RIC1: variants seen among roughly 807,000 people sequenced by gnomAD.
The protein encoded by RIC1 is RIC1 partner of RAB6A GEF complex.
Under a neutral mutation model 169.0 loss-of-function variants are expected in RIC1, and 88 were observed. The observed-to-expected ratio is 0.52, with a 90% confidence interval of 0.44 to 0.62. RIC1 has a LOEUF of 0.62. Ranked by LOEUF, RIC1 falls within the 20% of genes least tolerant of loss-of-function variation. RIC1 has a pLI of 0.00. For missense variants in RIC1, 1,877 were observed against 1,725.5 expected (o/e 1.09, Z -1.56); for synonymous variants, 790 against 601.5 (o/e 1.31, Z -4.59).
At chr9:5,634,702 A>T (rs889395432) in intron 1 of RIC1, among the ~76,000 whole-genome samples, 1 of 151,952 alleles carries the variant, frequency 6.6e-6, no homozygotes, top group East Asian at 1.9e-4. Flanking sequence ...TCTTTACTGT[A>T]CAATAACTTA....
chr9:5,762,130 G>T (rs765536496), intron 17 of RIC1, among the ~76,000 whole-genome samples: 1 of 152,002 alleles, frequency 6.6e-6, no homozygotes, highest in African/African-American at 2.4e-5. Context: ...CCATGTCTTC[G>T]TTTTCCATTA....
chr9:5,772,440 G>A, intron 23 of RIC1, 124 bp from the exon 24 acceptor site: 1 of 719,514 alleles, frequency 1.4e-6, no homozygotes, highest in Non-Finnish European at 2.2e-6. Flanking sequence ...TTTAGCCATG[G>A]ATTTCATGTT....
rs1016734360 is a variant in RIC1, at chr9:5,629,217, C to G, written c.-93C>G. ...GAGCTGCCGCCGCCGCCGCCGCCGA[C>G]TCGGCCGGTGGCGGTGTGGGAGGTG... On this transcript the variant is annotated 5_prime_UTR_variant, in exon 1 of 26. Coordinates refer to ENST00000414202, the MANE Select transcript of RIC1 (RefSeq NM_020829.4). 7.3e-6 allele frequency: 9 copies of G among 1,233,914 alleles called. No homozygotes were observed. The highest frequency in any genetic ancestry group is 9.2e-6 in the Non-Finnish European group (9 of 975,468). 76.4% of individuals were successfully genotyped at this position (1,233,914 alleles called of 1,614,324 possible).
chr9:5,769,103 A>G lies in RIC1; in HGVS notation c.3271A>G (p.Ile1091Val). 6.2e-7 allele frequency: 1 copy of G among 1,614,116 alleles called. No homozygotes were observed. Among genetic ancestry groups the G allele is most frequent in the Non-Finnish European group, 8.5e-7 (1 of 1,179,978 alleles). Residue 1091 changes from isoleucine to valine, a missense_variant, in exon 22 of 26, where the codon ATT becomes GTT. Ile to Val is a conservative substitution (Grantham distance 29, BLOSUM62 3). Transcript: ENST00000414202. ...CFAAQLGFEL[I>V]SWLCKERTRA... ...TGCAGCCCAGCTGGGCTTTGAACTA[A>G]TTAGTTGGCTATGCAAGGAACGTAC...
At chr9:5,736,286 C>T (rs969111505) in intron 7 of RIC1, among the ~76,000 whole-genome samples, 1 of 152,142 alleles carries the variant, frequency 6.6e-6, no homozygotes, top group Non-Finnish European at 1.5e-5. Flanking sequence ...TATTTGGCTT[C>T]TGGGTATGAT....
chr9:5,629,548 C>T (rs1021380529), intron 1 of RIC1, 95 bp downstream of exon 1: 179 of 1,321,020 alleles, frequency 1.4e-4, no homozygotes, highest in Non-Finnish European at 1.6e-4. Context: ...GGACTCCTGC[C>T]CCTTCGTGCC....
chr9:5,765,819 T>A, intron 21 of RIC1, 21 bp downstream of exon 21: 1 of 1,613,008 alleles, frequency 6.2e-7, no homozygotes, highest in Non-Finnish European at 8.5e-7. Flanking sequence ...AAAGAGCCAT[T>A]ACTGCTTTTT....
intron 1 of RIC1, among the ~76,000 whole-genome samples, chr9:5,634,772 C>T (rs537101520): frequency 6.8e-4 from 103 of 152,204 alleles, no homozygotes; most frequent in African/African-American, 2.3e-3. Flanking sequence ...CCATGTCATC[C>T]AAAATACCAT....
At chr9:5,714,356 C>A (rs756556468) in intron 4 of RIC1, among the ~76,000 whole-genome samples, 1 of 152,112 alleles carries the variant, frequency 6.6e-6, no homozygotes, top group Non-Finnish European at 1.5e-5. Context: ...CCAAAGTTGC[C>A]ATAAGCTTCT....
intron 2 of RIC1, among the ~76,000 whole-genome samples, chr9:5,688,675 A>G (rs996739405): frequency 6.6e-6 from 1 of 152,250 alleles, no homozygotes; most frequent in Non-Finnish European, 1.5e-5. Flanking sequence ...ATGGTCAAAA[A>G]GAAAGCAAAC....
chr9:5,697,435 T>C (rs1821969542), intron 3 of RIC1, among the ~76,000 whole-genome samples: 1 of 152,206 alleles, frequency 6.6e-6, no homozygotes, highest in Non-Finnish European at 1.5e-5. Flanking sequence ...GGGCACTAGT[T>C]TGGTACCAGG....
chr9:5,721,819 T>G (rs959819773), intron 6 of RIC1, among the ~76,000 whole-genome samples: 2 of 152,198 alleles, frequency 1.3e-5, no homozygotes, highest in African/African-American at 4.8e-5. Context: ...ACCCAAACTG[T>G]CAGTTGTGTA....
chr9:5,732,004 T>G (rs565717680), intron 6 of RIC1, among the ~76,000 whole-genome samples: 51 of 152,344 alleles, frequency 3.3e-4, no homozygotes, highest in South Asian at 1.7e-3. Flanking sequence ...TTAAATACTA[T>G]GTGCTAGGTG....
intron 18 of RIC1, 145 bp from the exon 19 acceptor site, chr9:5,762,995 A>T: frequency 1.0e-6 from 1 of 983,442 alleles, no homozygotes; most frequent in Non-Finnish European, 1.5e-6. Context: ...TACTTTTATT[A>T]ACTCTAATTC....
intron 8 of RIC1, among the ~76,000 whole-genome samples, chr9:5,741,855 C>T (rs1825101937): frequency 2.0e-5 from 3 of 152,066 alleles, no homozygotes; most frequent in Admixed American, 2.0e-4. Context: ...CGATTGTTTT[C>T]CTTGAAGCAT....
intron 2 of RIC1, among the ~76,000 whole-genome samples, chr9:5,687,401 A>C (rs114447585): frequency 6.6e-6 from 1 of 152,030 alleles, no homozygotes; most frequent in Non-Finnish European, 1.5e-5. Context: ...CGTTTGCTCT[A>C]GTTTAATTTG....
chr9:5,747,210 C>A, intron 11 of RIC1, 92 bp from the exon 12 acceptor site: 4 of 923,892 alleles, frequency 4.3e-6, no homozygotes, highest in South Asian at 3.0e-5. Context: ...TATAATAAAA[C>A]TAAATCGATG....
chr9:5,707,329 C>A (rs1026670989), intron 3 of RIC1, among the ~76,000 whole-genome samples: 3 of 151,998 alleles, frequency 2.0e-5, no homozygotes, highest in African/African-American at 7.2e-5. Context: ...GTTCCATGTG[C>A]ATTTGAGAAT....
intron 1 of RIC1, among the ~76,000 whole-genome samples, chr9:5,631,685 CA>C (rs34448140): frequency 0.21 from 13,672 of 66,458 alleles, 931 homozygotes; most frequent in African/African-American, 0.39. Context: ...GACTCTGTCT[CA>C]AAAAAAAAAA....
Sources: allele counts gnomAD v4.1 joint callset (sites outside exome capture counted in the v4.1 genomes callset), GRCh38; gene constraint gnomAD v4.1.1; transcripts MANE v1.5; gene names NCBI Gene and HGNC (gene_info 2026-07-23, HGNC 2026-07-21).